Variants in PRDM5 observed in about 807,000 individuals in gnomAD.
PRDM5 encodes the protein PR domain zinc finger protein 5.
Under a neutral mutation model 81.2 loss-of-function variants are expected in PRDM5, and 56 were observed. The ratio of observed to expected loss-of-function variants is 0.69; its 90% CI spans 0.56 to 0.86. PRDM5 has a LOEUF of 0.86. PRDM5 is among the 40% of genes least tolerant of loss of function. The pLI, the probability that PRDM5 is intolerant of heterozygous loss-of-function variation, is 0.00. For synonymous variants in PRDM5, 267 were observed against 256.4 expected, an observed-to-expected ratio of 1.04 and a Z score of -0.39; for missense variants, 697 against 770.1, an observed-to-expected ratio of 0.91 and a Z score of 1.12.
At chr4:120,739,148 G>C (rs1294068294) in intron 14 of PRDM5, among the ~76,000 whole-genome samples, 2 of 152,180 alleles carry the variant, frequency 1.3e-5, no homozygotes, top group Non-Finnish European at 2.9e-5. Flanking sequence ...TCACAACATG[G>C]TGATTGGTCC....
intron 2 of PRDM5, among the ~76,000 whole-genome samples, chr4:120,858,788 T>C (rs1025191104): frequency 6.0e-5 from 9 of 148,968 alleles, no homozygotes; most frequent in African/African-American, 7.3e-5. Flanking sequence ...ATATAATACA[T>C]ACAAAGTTAA....
chr4:120,726,406 C>T (rs1297161726), intron 14 of PRDM5, among the ~76,000 whole-genome samples: 1 of 152,126 alleles, frequency 6.6e-6, no homozygotes, highest in Non-Finnish European at 1.5e-5. Context: ...TTTTGTTTTG[C>T]TGTAATTCTT....
At chr4:120,780,888 A>G (rs1274959535) in intron 12 of PRDM5, among the ~76,000 whole-genome samples, 1 of 152,178 alleles carries the variant, frequency 6.6e-6, no homozygotes, top group Non-Finnish European at 1.5e-5. Flanking sequence ...ACTTTTTAGA[A>G]GCCATCTATC....
At chr4:120,868,190 T>C (rs1761403919) in intron 2 of PRDM5, among the ~76,000 whole-genome samples, 1 of 152,212 alleles carries the variant, frequency 6.6e-6, no homozygotes, top group African/African-American at 2.4e-5. Flanking sequence ...GAAATGTTCC[T>C]ATATAGTATC....
At position 120,863,971 on chromosome 4, in the gene PRDM5, T is replaced by C. The variant is rs544820111; in HGVS notation, c.178-10431A>G. On this transcript the variant is annotated intron_variant, in intron 2 of 15. Coordinates refer to ENST00000264808, the MANE Select transcript of PRDM5 (RefSeq NM_018699.4). ...CAAAGCAATAACAGGAAATAAATGG[T>C]GACTGTATGAATTAGGATATTCTAT... Among the ~76,000 whole-genome samples, 24 of 152,270 alleles carry C rather than the reference T, an allele frequency of 1.6e-4. No individual in the cohort carries two copies. In the South Asian group the frequency reaches 1.9e-3, roughly 12 times the overall value.
At chr4:120,723,183 A>G (rs200460849) in intron 14 of PRDM5, among the ~76,000 whole-genome samples, 1 of 152,232 alleles carries the variant, frequency 6.6e-6, no homozygotes, top group Non-Finnish European at 1.5e-5. Flanking sequence ...GTGACTGGCT[A>G]TTAAAAATGA....
chr4:120,846,542 A>G (rs1758670889), intron 3 of PRDM5, among the ~76,000 whole-genome samples: 1 of 152,216 alleles, frequency 6.6e-6, no homozygotes, highest in Admixed American at 6.5e-5. Context: ...GCTACTGCAC[A>G]CTTAATAGAC....
chr4:120,842,566 G>T, intron 3 of PRDM5, among the ~76,000 whole-genome samples: 1 of 152,156 alleles, frequency 6.6e-6, no homozygotes, highest in East Asian at 1.9e-4. Flanking sequence ...TGATAGAGAT[G>T]ACAACATAAA....
chr4:120,816,491 T>A lies in PRDM5; in HGVS notation c.827A>T (p.Lys276Met). Residue 276 changes from lysine (K) to methionine (M), a missense_variant, in exon 7 of 16, where the codon AAG (lysine) becomes ATG (methionine). Lys to Met is a moderately conservative substitution (Grantham distance 95). This residue lies in a region of PRDM5 where 577 missense variants were observed against 606.7 expected (regional missense o/e 0.95). Transcript: ENST00000264808. ...ADSCGKRLKS[K>M]DALKRHQENV... ...TTCCTGGTGTCTTTTCAGGGCATCCTTGCTCTTCAGCCTCTTTCCACAGCT... is the reference window on the plus strand; with the variant it reads ...TTCCTGGTGTCTTTTCAGGGCATCCATGCTCTTCAGCCTCTTTCCACAGCT... The A allele has an allele frequency of 1.2e-6, 2 of 1,614,202 alleles. No individual in the cohort carries two copies. The highest frequency in any genetic ancestry group is 1.7e-6 in the Non-Finnish European group (2 of 1,180,032).
intron 1 of PRDM5, among the ~76,000 whole-genome samples, chr4:120,917,716 G>C (rs916727040): frequency 1.3e-5 from 2 of 150,118 alleles, no homozygotes; most frequent in Admixed American, 6.6e-5. Context: ...GTAGATACAG[G>C]AATTTCCACA....
chr4:120,853,246 C>A (rs1759492613), intron 3 of PRDM5, among the ~76,000 whole-genome samples, 172 bp downstream of exon 3: 1 of 152,154 alleles, frequency 6.6e-6, no homozygotes, highest in Non-Finnish European at 1.5e-5. Flanking sequence ...TAGTTTACAG[C>A]TAGGCTTGCC....
intron 10 of PRDM5, among the ~76,000 whole-genome samples, chr4:120,796,664 G>C (rs1448071770): frequency 6.6e-6 from 1 of 152,130 alleles, no homozygotes; most frequent in East Asian, 1.9e-4. Flanking sequence ...AGATGGTAAG[G>C]AAGAAATTAG....
In PRDM5 at chr4:120,698,485, A is replaced by C. The variant is rs78595637; in HGVS notation, c.1729-3210T>G. ...TCCTTGGCTTTCTTCTCCATTCACT[A>C]GGTATTTTCTCCTCTGGTGATCTTA... On this transcript the variant is annotated intron_variant, in intron 15 of 15. Coordinates refer to ENST00000264808, the MANE Select transcript of PRDM5 (RefSeq NM_018699.4). 4.6e-3 allele frequency among the ~76,000 whole-genome samples: 697 copies of C among 152,194 alleles called. 8 individuals carry two copies. Among genetic ancestry groups the C allele is most frequent in the East Asian group, 0.038 (195 of 5,168 alleles).
intron 2 of PRDM5, among the ~76,000 whole-genome samples, chr4:120,874,683 G>C (rs1428083868): frequency 6.6e-6 from 1 of 152,166 alleles, no homozygotes; most frequent in African/African-American, 2.4e-5. Context: ...ATTACTATTA[G>C]CTTTATTATT....
intron 3 of PRDM5, among the ~76,000 whole-genome samples, chr4:120,845,099 G>A (rs981300126): frequency 6.6e-6 from 1 of 152,208 alleles, no homozygotes; most frequent in Non-Finnish European, 1.5e-5. Context: ...GCAGAATTAT[G>A]AGGTCTAAGG....
chr4:120,719,661 C>G (rs1665938488), intron 14 of PRDM5, among the ~76,000 whole-genome samples: 1 of 151,958 alleles, frequency 6.6e-6, no homozygotes, highest in Non-Finnish European at 1.5e-5. Flanking sequence ...TTTAATTTTA[C>G]ATATAAAAAT....
Position 120,777,221 on chromosome 4 carries a change from C to T in PRDM5, c.1504G>A (p.Gly502Ser). 2 of 1,613,372 alleles carry T rather than the reference C, an allele frequency of 1.2e-6. No individual in the cohort carries two copies. Among genetic ancestry groups the T allele is most frequent in the Non-Finnish European group, 1.7e-6 (2 of 1,179,528 alleles). Reference protein sequence around the residue: ...PYCGQKFASSGTLRVHIRSHT... With the variant: ...PYCGQKFASSSTLRVHIRSHT... ...CTCCGGATATGAACTCTGAGTGTACCACTGCTGGCAAATTTCTGGCCACAA... is the reference window on the plus strand; with the variant it reads ...CTCCGGATATGAACTCTGAGTGTACTACTGCTGGCAAATTTCTGGCCACAA... Residue 502 changes from glycine (G) to serine (S), a missense_variant, in exon 13 of 16, where the codon GGT (glycine) becomes AGT (serine). Physicochemically the swap from Gly to Ser is moderately conservative, Grantham distance 56. Transcript: ENST00000264808.
rs1177252653 is a variant in PRDM5, at chr4:120,781,281, A to G, written c.1305T>C (p.His435=). 6.2e-7 allele frequency: 1 copy of G among 1,613,192 alleles called. No individual in the cohort carries two copies. Among genetic ancestry groups the G allele is most frequent in the South Asian group, 1.1e-5 (1 of 91,080 alleles). ...TCCTCTTAAAGGTAGCATCGCAGTG[A>G]TGGCACTTGAAAGTCCTCTCACCTT... is the stretch of plus-strand genomic sequence containing the variant. The part of the protein sequence containing the change: ...IHNSERTFKC[H]HCDATFKRKD... Residue 435 remains histidine, a synonymous_variant, in exon 12 of 16, where the codon CAT becomes CAC. Coordinates refer to ENST00000264808, the MANE Select transcript of PRDM5 (RefSeq NM_018699.4).
At chr4:120,883,799 C>T (rs1763108162) in intron 2 of PRDM5, among the ~76,000 whole-genome samples, 1 of 152,088 alleles carries the variant, frequency 6.6e-6, no homozygotes, top group Non-Finnish European at 1.5e-5. Context: ...CTTAGAGAAT[C>T]ATAGCTCTTC....
Sources: allele counts gnomAD v4.1 joint callset (sites outside exome capture counted in the v4.1 genomes callset), GRCh38; gene constraint gnomAD v4.1.1; regional missense constraint gnomAD v4.1.1; transcripts MANE v1.5; gene names NCBI Gene and HGNC (gene_info 2026-07-23, HGNC 2026-07-21).